The following SLC12A7 variants were observed in gnomAD, a reference collection of about 807,000 sequenced individuals.
SLC12A7 encodes K-Cl cotransporter 4.
A neutral mutation model predicts 120.6 loss-of-function variants in SLC12A7; 100 were observed. The observed-to-expected ratio is 0.83, with a 90% CI of 0.71 to 0.98. The LOEUF (loss-of-function observed/expected upper bound fraction) is 0.98. SLC12A7 is among the 50% of genes least tolerant of loss of function. The probability of loss-of-function intolerance (pLI) is 0.00; values close to 1 mark genes in which losing one functional copy is unlikely to be tolerated. For synonymous variants in SLC12A7, 760 were observed against 678.0 expected, an observed-to-expected ratio of 1.12 and a Z score of -1.88; for missense variants, 1,373 against 1,548.1, an observed-to-expected ratio of 0.89 and a Z score of 1.90.
chr5:1,148,695 A>G, the SLC12A7 span, among the ~76,000 whole-genome samples: 1 of 152,216 alleles, frequency 6.6e-6, no homozygotes, highest in Non-Finnish European at 1.5e-5. Context: ...AAGTGGGTAC[A>G]GGGACACGGA....
the SLC12A7 span, among the ~76,000 whole-genome samples, chr5:1,154,726 C>A: frequency 6.6e-6 from 1 of 152,230 alleles, no homozygotes; most frequent in Non-Finnish European, 1.5e-5. Context: ...CGCACGGCCC[C>A]CACACACGTG....
At chr5:1,085,932 G>T (rs956754109) in intron 6 of SLC12A7, among the ~76,000 whole-genome samples, 2 of 152,216 alleles carry the variant, frequency 1.3e-5, no homozygotes, top group Non-Finnish European at 2.9e-5. Flanking sequence ...GTCTGACCAC[G>T]CCGGCGGGGG....
At chr5:1,154,744 TC>T in the SLC12A7 span, among the ~76,000 whole-genome samples, 2 of 151,612 alleles carry the variant, frequency 1.3e-5, no homozygotes, top group Non-Finnish European at 2.9e-5. Flanking sequence ...GTGAGCTGGG[TC>T]CCCCAGGGCC....
chr5:1,124,713 T>C, the SLC12A7 span, among the ~76,000 whole-genome samples: 1 of 152,060 alleles, frequency 6.6e-6, no homozygotes, highest in African/African-American at 2.4e-5. Flanking sequence ...AGGGCATCTG[T>C]GCAGGGCAGA....
At chr5:1,126,225 T>C in the SLC12A7 span, among the ~76,000 whole-genome samples, 9 of 152,082 alleles carry the variant, frequency 5.9e-5, no homozygotes, top group Non-Finnish European at 1.3e-4. Flanking sequence ...ACAGCTGGGA[T>C]TACAGGCATG....
the SLC12A7 span, among the ~76,000 whole-genome samples, chr5:1,136,007 G>A: frequency 6.6e-6 from 1 of 152,162 alleles, no homozygotes; most frequent in Non-Finnish European, 1.5e-5. Context: ...CTCCAGGCCT[G>A]GCTCGGGTCC....
At chr5:1,116,795 C>T (rs536487675), upstream of SLC12A7, among the ~76,000 whole-genome samples, 2 of 152,274 alleles carry the variant, frequency 1.3e-5, no homozygotes, top group African/African-American at 2.4e-5. Flanking sequence ...GCCCACCCAC[C>T]CCCCGCCAGC....
chr5:1,068,140 A>G (rs1257563364), intron 17 of SLC12A7, among the ~76,000 whole-genome samples: 1 of 152,248 alleles, frequency 6.6e-6, no homozygotes, highest in Non-Finnish European at 1.5e-5. Flanking sequence ...TCCATGCTTT[A>G]CAGCCTTGCC....
intron 20 of SLC12A7, 35 bp downstream of exon 20, chr5:1,063,809 C>T (rs1736601000): frequency 9.2e-7 from 1 of 1,092,580 alleles, no homozygotes; most frequent in East Asian, 2.8e-5. Context: ...CCCCACCTCC[C>T]CCCGGCCTCC....
At position 1,064,853 on chromosome 5, in the gene SLC12A7, A is replaced by AGATGGTGAGGG. The variant is rs1554012884; in HGVS notation, c.2437+429_2437+430insCCCTCACCATC. On this transcript the variant is annotated intron_variant, in intron 18 of 23. Coordinates refer to ENST00000264930, the MANE Select transcript of SLC12A7 (RefSeq NM_006598.3). ...AGGGGACGGCGAAGCGACGGCGAGG[A>AGATGGTGAGGG]GACGGCGAGGGGACAGCGAGGGGAC... 1.0e-3 allele frequency among the ~76,000 whole-genome samples: 46 copies of AGATGGTGAGGG among 44,636 alleles called. 2 individuals are homozygous for AGATGGTGAGGG. Among genetic ancestry groups the AGATGGTGAGGG allele is most frequent in the Admixed American group, 2.1e-3 (9 of 4,320 alleles). The allele number at this position is 44,636 out of a possible 152,430, so 29.3% of individuals were successfully genotyped here.
chr5:1,096,819 AGGGAG>A (rs1741272524), intron 1 of SLC12A7, among the ~76,000 whole-genome samples: 2 of 36,698 alleles, frequency 5.4e-5, no homozygotes, highest in African/African-American at 1.7e-4. Flanking sequence ...GAAGGAGGGA[AGGGAG>A]GGAAGGAAGG....
At chr5:1,112,291 C>G (rs1366492032), upstream of SLC12A7, among the ~76,000 whole-genome samples, 2 of 147,962 alleles carry the variant, frequency 1.4e-5, no homozygotes, top group African/African-American at 2.5e-5. Context: ...TCCTGCACCC[C>G]CTCCTGCTCC....
At position 1,053,336 on chromosome 5, in the gene SLC12A7, C is replaced by A. The variant is rs758958636; in HGVS notation, c.3160+13G>T. On this transcript the variant is annotated intron_variant, in intron 23 of 23. Coordinates refer to ENST00000264930, the MANE Select transcript of SLC12A7 (RefSeq NM_006598.3). ...GCCCGCACGCTCAGCAGGCACACTG[C>A]AAGAAAGGATACAGTTCTCGTCTCC... The A allele has an allele frequency of 1.9e-6, 3 of 1,612,670 alleles. No individual in the cohort carries two copies. The highest frequency in any genetic ancestry group is 2.7e-5 in the African/African-American group (2 of 74,940).
chr5:1,104,743 C>T (rs1016422893), intron 1 of SLC12A7, among the ~76,000 whole-genome samples: 1 of 152,218 alleles, frequency 6.6e-6, no homozygotes, highest in Non-Finnish European at 1.5e-5. Context: ...AACAAACCAC[C>T]CCAGGTCCAC....
At chr5:1,085,979 G>A (rs771343453) in intron 6 of SLC12A7, among the ~76,000 whole-genome samples, 4 of 152,192 alleles carry the variant, frequency 2.6e-5, no homozygotes, top group South Asian at 4.1e-4. Context: ...GGGAAGGGAC[G>A]GAGACGTGAG....
rs550982292 is a variant in SLC12A7 at position 1,062,378 on chromosome 5, C to T, written c.2739+1466G>A. The stretch of plus-strand genomic sequence containing the variant: ...CTACAACCTTGAACCCGCAAAGCCT[C>T]GTCCAAACAAGACAAACTCCAGCCA... On this transcript the variant is annotated intron_variant, in intron 20 of 23. Transcript: ENST00000264930. Among the ~76,000 whole-genome samples, 180 of 152,364 alleles carry T rather than the reference C, an allele frequency of 1.2e-3. 1 individual carries two copies. Among genetic ancestry groups the T allele is most frequent in the Admixed American group, 6.7e-3 (102 of 15,310 alleles).
At chr5:1,100,420 C>G (rs114881363) in intron 1 of SLC12A7, among the ~76,000 whole-genome samples, 1 of 152,254 alleles carries the variant, frequency 6.6e-6, no homozygotes. Context: ...TTCAAAGGCT[C>G]GATGGTCTCG....
intron 17 of SLC12A7, among the ~76,000 whole-genome samples, chr5:1,066,243 C>A (rs1197500721): frequency 1.3e-5 from 2 of 152,230 alleles, no homozygotes; most frequent in African/African-American, 4.8e-5. Context: ...TGGCTTGTCC[C>A]CTGCTGCGTT....
At chr5:1,076,302 C>T in intron 13 of SLC12A7, 66 bp from the exon 14 acceptor site, 1 of 1,306,024 alleles carries the variant, frequency 7.7e-7, no homozygotes, top group South Asian at 1.3e-5. Context: ...TCACTGCCAC[C>T]TGGGAGACCA....
Sources: allele counts gnomAD v4.1 joint callset (sites outside exome capture counted in the v4.1 genomes callset), GRCh38; gene constraint gnomAD v4.1.1; transcripts MANE v1.5; gene names NCBI Gene and HGNC (gene_info 2026-07-23, HGNC 2026-07-21).